SV2C: variants seen among roughly 807,000 people sequenced by gnomAD.
SV2C encodes the protein solute carrier family 22 member B3.
In SV2C, 49 loss-of-function variants were observed where a neutral mutation model predicts 79.7. The ratio of observed to expected loss-of-function variants is 0.61; its 90% CI spans 0.49 to 0.78. The LOEUF (loss-of-function observed/expected upper bound fraction) is 0.78. Ranked by LOEUF, SV2C falls within the 30% of genes least tolerant of loss-of-function variation. The pLI, the probability that SV2C is intolerant of heterozygous loss-of-function variation, is 0.00. For synonymous variants in SV2C, 334 were observed against 333.2 expected, an observed-to-expected ratio of 1.00 and a Z score of -0.03; for missense variants, 833 against 912.9, an observed-to-expected ratio of 0.91 and a Z score of 1.13.
At chr5:76,068,486 G>C in the SV2C span, among the ~76,000 whole-genome samples, 2 of 152,044 alleles carry the variant, frequency 1.3e-5, no homozygotes, top group South Asian at 4.1e-4. Flanking sequence ...CCACACTTGA[G>C]ATTGTTCCAT....
intron 1 of SV2C, among the ~76,000 whole-genome samples, chr5:76,125,720 G>A (rs1425794732): frequency 1.3e-5 from 2 of 152,240 alleles, no homozygotes; most frequent in African/African-American, 4.8e-5. Flanking sequence ...TAAAGAAAGT[G>A]GAGGAACTAA....
the SV2C span, among the ~76,000 whole-genome samples, chr5:76,028,073 G>T: frequency 6.6e-6 from 1 of 152,088 alleles, no homozygotes; most frequent in South Asian, 2.1e-4. Flanking sequence ...AAATGTGGGC[G>T]CCTTGGACTC....
the SV2C span, among the ~76,000 whole-genome samples, chr5:76,030,101 T>C: frequency 7.2e-5 from 11 of 152,130 alleles, no homozygotes; most frequent in Non-Finnish European, 1.5e-4. Context: ...AATGATTACC[T>C]ATTTATTTTT....
the SV2C span, among the ~76,000 whole-genome samples, chr5:75,949,632 T>C: frequency 6.6e-6 from 1 of 152,032 alleles, no homozygotes; most frequent in South Asian, 2.1e-4. Flanking sequence ...GATGATTTTA[T>C]AAGGGGTTTT....
chr5:76,161,648 T>A (rs959512136), intron 2 of SV2C, among the ~76,000 whole-genome samples: 12 of 152,162 alleles, frequency 7.9e-5, no homozygotes, highest in East Asian at 5.8e-4. Context: ...GTACAGGACT[T>A]ATTTTGAGCT....
the SV2C span, among the ~76,000 whole-genome samples, chr5:76,063,892 C>A: frequency 6.6e-6 from 1 of 152,124 alleles, no homozygotes; most frequent in Non-Finnish European, 1.5e-5. Flanking sequence ...ATATAAACAA[C>A]ATTTAAACAA....
chr5:76,139,856 A>ATTTTTTTTTT (rs3079931), intron 2 of SV2C, among the ~76,000 whole-genome samples: 1 of 65,356 alleles, frequency 1.5e-5, no homozygotes, highest in Admixed American at 1.5e-4. Flanking sequence ...TCTTGAAAGT[A>ATTTTTTTTTT]TTTTTTTTTT....
At chr5:76,146,637 T>G (rs1561236241) in intron 2 of SV2C, among the ~76,000 whole-genome samples, 1 of 152,032 alleles carries the variant, frequency 6.6e-6, no homozygotes, top group Non-Finnish European at 1.5e-5. Flanking sequence ...TCCTGTTACT[T>G]AGAATGCCTT....
chr5:76,262,614 G>A (rs1260042304), intron 4 of SV2C, among the ~76,000 whole-genome samples: 2 of 152,162 alleles, frequency 1.3e-5, no homozygotes, highest in African/African-American at 4.8e-5. Flanking sequence ...GTGTTCCAGA[G>A]ATTCTGGTAC....
intron 2 of SV2C, among the ~76,000 whole-genome samples, chr5:76,174,994 A>G (rs1743478570): frequency 6.6e-6 from 1 of 152,340 alleles, no homozygotes; most frequent in Non-Finnish European, 1.5e-5. Context: ...CTGGCGGTCT[A>G]ACTGACTAAA....
intron 4 of SV2C, among the ~76,000 whole-genome samples, chr5:76,219,397 T>C (rs1457021189): frequency 6.6e-6 from 1 of 152,226 alleles, no homozygotes; most frequent in Non-Finnish European, 1.5e-5. Context: ...ATAAGATGCA[T>C]CAGTCAAATA....
chr5:75,903,245 C>G, the SV2C span, among the ~76,000 whole-genome samples: 1 of 152,066 alleles, frequency 6.6e-6, no homozygotes, highest in Admixed American at 6.6e-5. Context: ...GATTATTCAA[C>G]CTTTCACTGT....
At chr5:76,037,064 T>C in the SV2C span, among the ~76,000 whole-genome samples, 3 of 152,204 alleles carry the variant, frequency 2.0e-5, no homozygotes, top group South Asian at 2.1e-4. Flanking sequence ...GCATTCTTCA[T>C]GTAGTTCTCG....
At chr5:75,929,874 T>A in the SV2C span, among the ~76,000 whole-genome samples, 3 of 152,210 alleles carry the variant, frequency 2.0e-5, no homozygotes, top group East Asian at 5.8e-4. Context: ...TGGTTGTATC[T>A]TAAAGCTCTG....
At chr5:76,161,001 A>G (rs1457586021) in intron 2 of SV2C, among the ~76,000 whole-genome samples, 9 of 152,234 alleles carry the variant, frequency 5.9e-5, no homozygotes, top group Admixed American at 2.0e-4. Flanking sequence ...GAGTTATTAT[A>G]TGACCCAGCA....
At chr5:75,848,432 G>T in the SV2C span, among the ~76,000 whole-genome samples, 3 of 152,166 alleles carry the variant, frequency 2.0e-5, no homozygotes, top group Non-Finnish European at 4.4e-5. Flanking sequence ...CTCAGAAACT[G>T]CCCTGGGGAG....
At position 76,206,685 on chromosome 5, in the gene SV2C, G is replaced by A. The variant is rs1474287352; in HGVS notation, c.762-3051G>A. 2.6e-5 allele frequency among the ~76,000 whole-genome samples: 4 copies of A among 152,174 alleles called. No individual in the cohort carries two copies. In the East Asian group the frequency reaches 7.7e-4, roughly 29 times the overall value. Reference sequence around the variant, plus strand: ...TAAACACTTAGCACATGTCCACTGGGCCAGTTAATGGGGACTCAAGAATGA... The same window carrying A: ...TAAACACTTAGCACATGTCCACTGGACCAGTTAATGGGGACTCAAGAATGA... On this transcript the variant is annotated intron_variant, in intron 3 of 12. Coordinates refer to ENST00000502798, the MANE Select transcript of SV2C (RefSeq NM_014979.4).
At chr5:76,274,019 A>C (rs2937714) in intron 4 of SV2C, among the ~76,000 whole-genome samples, 21,140 of 152,152 alleles carry the variant, frequency 0.14, 1,898 homozygotes, top group African/African-American at 0.25. Context: ...CCAGGATAGA[A>C]TCTGGCACTT....
intron 1 of SV2C, among the ~76,000 whole-genome samples, chr5:76,123,172 A>G (rs557091643): frequency 1.3e-5 from 2 of 152,228 alleles, no homozygotes; most frequent in Admixed American, 6.5e-5. Context: ...CCAAGACTAA[A>G]CCAGGAAGAA....
Sources: allele counts gnomAD v4.1 joint callset (sites outside exome capture counted in the v4.1 genomes callset), GRCh38; gene constraint gnomAD v4.1.1; transcripts MANE v1.5; gene names NCBI Gene and HGNC (gene_info 2026-07-23, HGNC 2026-07-21).